The following MCF2 variants were observed in gnomAD, a reference collection of about 807,000 sequenced individuals.
MCF2 encodes MCF.2 cell line derived transforming sequence.
Under a neutral mutation model 82.5 loss-of-function variants are expected in MCF2, and 44 were observed. The ratio of observed to expected loss-of-function variants is 0.53; its 90% confidence interval spans 0.42 to 0.69. MCF2 has a LOEUF of 0.69. Ranked by LOEUF, MCF2 falls within the 30% of genes least tolerant of loss-of-function variation. The probability of loss-of-function intolerance (pLI) is 0.00; values close to 1 mark genes in which losing one functional copy is unlikely to be tolerated. For missense variants in MCF2, 623 were observed against 663.1 expected (o/e 0.94, Z 0.66); for synonymous variants, 217 against 224.9 (o/e 0.96, Z 0.32).
At chrX:139,630,904 T>C (rs1932901019) in intron 3 of MCF2, among the ~76,000 whole-genome samples, 1 of 112,335 alleles carries the variant, frequency 8.9e-6, no homozygotes, top group Admixed American at 9.4e-5. Flanking sequence ...TATTGACGGT[T>C]TGCCATATGC....
intron 22 of MCF2, 68 bp downstream of exon 26, chrX:139,587,648 T>C: frequency 1.4e-6 from 1 of 699,361 alleles, no homozygotes; most frequent in Non-Finnish European, 2.2e-6. Flanking sequence ...TTTAATTACA[T>C]TGCTTCATGT....
chrX:139,586,375 T>C lies in MCF2; in HGVS notation c.2632+3A>G. On this transcript the variant is annotated splice_donor_region_variant and intron_variant, in intron 23 of 24. Transcript: ENST00000370576. ...CTCGTCTTAAGATGACCATGACACA[T>C]ACCTGTATTTGCTTCTGCCTGAACT... 2.5e-6 allele frequency: 3 copies of C among 1,182,868 alleles called. No homozygotes were observed. The highest frequency in any genetic ancestry group is 1.8e-5 in the South Asian group (1 of 56,125).
chrX:139,586,421 C>T (rs146397903), exon 23 of MCF2: 120 of 1,208,645 alleles, frequency 9.9e-5, no homozygotes, highest in Non-Finnish European at 4.5e-5. Context: ...CCTCACAGAC[C>T]TCCACCACAG....
At chrX:139,630,386 C>T (rs1932883565) in intron 3 of MCF2, among the ~76,000 whole-genome samples, 1 of 111,560 alleles carries the variant, frequency 9.0e-6, no homozygotes, top group African/African-American at 3.3e-5. Context: ...GGAATGGTGG[C>T]CCCAAAGCCT....
chrX:139,697,843 T>C (rs192555020), intron 1 of MCF2, among the ~76,000 whole-genome samples: 36 of 112,619 alleles, frequency 3.2e-4, no homozygotes, highest in African/African-American at 1.1e-3. Context: ...AGTAGCCCCT[T>C]TAAAACTTGC....
chrX:139,592,014 T>G (rs1325062155), intron 19 of MCF2, among the ~76,000 whole-genome samples: 1 of 111,251 alleles, frequency 9.0e-6, no homozygotes, highest in African/African-American at 3.3e-5. Context: ...TGACTAGGAA[T>G]GCTAGCAATT....
At chrX:139,588,746 A>G (rs778493426) in intron 20 of MCF2, among the ~76,000 whole-genome samples, 1 of 107,021 alleles carries the variant, frequency 9.3e-6, no homozygotes, top group East Asian at 3.0e-4. Context: ...CCCCATCTCT[A>G]CTACTACTAC....
chrX:139,630,586 T>G (rs1167220332), intron 3 of MCF2, among the ~76,000 whole-genome samples: 2 of 112,541 alleles, frequency 1.8e-5, no homozygotes, highest in Non-Finnish European at 3.8e-5. Flanking sequence ...TGGCAATACA[T>G]CTTCATGTGA....
At chrX:139,632,823 T>A (rs1314303532) in intron 1 of MCF2, among the ~76,000 whole-genome samples, 1 of 111,578 alleles carries the variant, frequency 9.0e-6, no homozygotes, top group African/African-American at 3.2e-5. Context: ...ACCCTAAAAG[T>A]CAAAGGGTTT....
chrX:139,607,549 C>A, intron 12 of MCF2, 142 bp downstream of exon 16: 3 of 342,829 alleles, frequency 8.8e-6, no homozygotes, highest in Non-Finnish European at 1.0e-5. Flanking sequence ...TATAGGTTGG[C>A]CAGGCCTAAA....
upstream of MCF2, among the ~76,000 whole-genome samples, chrX:139,647,670 G>A (rs929226086): frequency 3.6e-5 from 4 of 111,250 alleles, no homozygotes; most frequent in Non-Finnish European, 7.5e-5. Context: ...CAGGAATAAT[G>A]GTAACTGTCA....
At chrX:139,588,312 A>G (rs1254664079) in intron 21 of MCF2, 48 bp downstream of exon 25, 1 of 962,344 alleles carries the variant, frequency 1.0e-6, no homozygotes, top group Non-Finnish European at 1.5e-6. Flanking sequence ...CTGAGTCAAT[A>G]AGCTGTTACT....
chrX:139,623,398 T>TA (rs200852041), intron 6 of MCF2, among the ~76,000 whole-genome samples: 6 of 110,827 alleles, frequency 5.4e-5, no homozygotes, highest in Admixed American at 9.6e-5. Context: ...TATGCAGCCA[T>TA]AAAAAAAACA....
intron 11 of MCF2, among the ~76,000 whole-genome samples, 167 bp downstream of exon 15, chrX:139,610,121 GCATATCTGGGGAT>G (rs768164321): frequency 1.8e-5 from 2 of 112,193 alleles, no homozygotes; most frequent in South Asian, 3.7e-4. Context: ...TGAGAAACTG[GCATATCTGGGGAT>G]ATGCCAGTAA....
chrX:139,605,731 T>C lies in MCF2; in HGVS notation c.1539A>G (p.Glu513=), dbSNP rs1332058658. Reference sequence around the variant, plus strand: ...CGCTTACCAACAAAACAGTATACAGTTCTCGAACATAAACTCTCTCAGTCT... The same window carrying C: ...CGCTTACCAACAAAACAGTATACAGCTCTCGAACATAAACTCTCTCAGTCT... The change falls in exon 13 of 25, where the codon GAA becomes GAG. Residue 513 remains glutamate (E), a synonymous_variant. Transcript: ENST00000370576. 3.3e-6 allele frequency: 4 copies of C among 1,200,536 alleles called. No homozygotes were observed. In the African/African-American group the frequency reaches 7.1e-5, roughly 21 times the overall value.
chrX:139,616,227 G>T, intron 9 of MCF2, 55 bp downstream of exon 12: 1 of 757,020 alleles, frequency 1.3e-6, no homozygotes, highest in Non-Finnish European at 1.8e-6. Context: ...CCTACCCACA[G>T]TACTGCAATT....
intron 11 of MCF2, 38 bp from the exon 16 acceptor site, chrX:139,607,817 G>A (rs780894024): frequency 1.0e-6 from 1 of 961,837 alleles, no homozygotes. Context: ...TAGCACCTCT[G>A]TAGGTATAAT....
chrX:139,630,940 T>C (rs1426742549), intron 3 of MCF2, among the ~76,000 whole-genome samples: 2 of 112,332 alleles, frequency 1.8e-5, no homozygotes, highest in Non-Finnish European at 3.8e-5. Context: ...ACATTTTACT[T>C]TTGCTATCTC....
At chrX:139,667,193 A>C (rs1381674911) in intron 1 of MCF2, among the ~76,000 whole-genome samples, 2 of 91,166 alleles carry the variant, frequency 2.2e-5, no homozygotes, top group Non-Finnish European at 4.1e-5. Flanking sequence ...AATATTTTGA[A>C]TTCTTTTTTT....
Sources: gnomAD v4.1 joint callset for allele counts (sites outside exome capture counted in the v4.1 genomes callset) on GRCh38, gnomAD v4.1.1 for gene constraint, MANE v1.5 for transcripts, NCBI Gene and HGNC (gene_info 2026-07-23, HGNC 2026-07-21) for gene names.